RBM20: variants seen among roughly 807,000 people sequenced by gnomAD.
RBM20 encodes RNA-binding protein 20.
Under a neutral mutation model 110.1 loss-of-function variants are expected in RBM20, and 51 were observed. That is an observed-to-expected ratio of 0.46 (90% CI 0.37 to 0.59). RBM20 has a LOEUF of 0.59. Ranked by LOEUF, RBM20 falls within the 20% of genes least tolerant of loss-of-function variation. RBM20 has a pLI of 0.00. For missense variants in RBM20, 1,512 were observed against 1,574.9 expected, an observed-to-expected ratio of 0.96 and a Z score of 0.68; for synonymous variants, 589 against 618.2, an observed-to-expected ratio of 0.95 and a Z score of 0.70.
chr10:110,833,896 T>A (rs1483733634), intron 13 of RBM20, among the ~76,000 whole-genome samples: 1 of 152,160 alleles, frequency 6.6e-6, no homozygotes, highest in Non-Finnish European at 1.5e-5. Flanking sequence ...ACAGAATGCC[T>A]CTGTCCACAC....
chr10:110,726,678 C>T (rs1461434532), intron 1 of RBM20, among the ~76,000 whole-genome samples: 2 of 152,120 alleles, frequency 1.3e-5, no homozygotes, highest in Admixed American at 6.5e-5. Context: ...CTTCTGATGC[C>T]AGTTGCAGGT....
Position 110,716,411 on chromosome 10 carries a change from G to A in RBM20, c.192-64390G>A, listed in dbSNP as rs906691251. Among the ~76,000 whole-genome samples the A allele has an allele frequency of 2.0e-5, 3 of 152,188 alleles. No individual in the cohort carries two copies. In the East Asian group the frequency reaches 5.8e-4, roughly 29 times the overall value. On this transcript the variant is annotated intron_variant, in intron 1 of 13. Coordinates refer to ENST00000369519, the MANE Select transcript of RBM20 (RefSeq NM_001134363.3). Reference sequence around the variant, plus strand: ...CCAGGTCTCAATTATGTAACATCTGGCCTAATTAAACGTGTACTGTTTACC... The same window carrying A: ...CCAGGTCTCAATTATGTAACATCTGACCTAATTAAACGTGTACTGTTTACC...
chr10:110,747,299 G>C (rs377541985), intron 1 of RBM20, among the ~76,000 whole-genome samples: 7 of 150,738 alleles, frequency 4.6e-5, no homozygotes, highest in South Asian at 2.1e-4. Flanking sequence ...CTTTTTTTGG[G>C]GGGGGGGGTC....
intron 1 of RBM20, among the ~76,000 whole-genome samples, chr10:110,661,775 C>T (rs1408164246): frequency 2.6e-5 from 4 of 151,878 alleles, no homozygotes; most frequent in Admixed American, 6.6e-5. Flanking sequence ...TTTGGGAGGC[C>T]GAGGTGGGTG....
chr10:110,829,843 G>T (rs1023825385), intron 12 of RBM20, among the ~76,000 whole-genome samples: 1 of 152,106 alleles, frequency 6.6e-6, no homozygotes, highest in Non-Finnish European at 1.5e-5. Flanking sequence ...CCATTCCCAG[G>T]CCCCTTCCTT....
At chr10:110,788,330 G>C (rs1204216526) in intron 5 of RBM20, among the ~76,000 whole-genome samples, 1 of 152,204 alleles carries the variant, frequency 6.6e-6, no homozygotes, top group African/African-American at 2.4e-5. Flanking sequence ...AGCCACACCT[G>C]GTATCCACAT....
At chr10:110,690,276 T>C (rs1038645046) in intron 1 of RBM20, among the ~76,000 whole-genome samples, 8 of 152,002 alleles carry the variant, frequency 5.3e-5, no homozygotes, top group African/African-American at 1.9e-4. Flanking sequence ...TGTGGTGGTG[T>C]GTGCCTGTAG....
chr10:110,772,792 A>G (rs770726652), intron 1 of RBM20, among the ~76,000 whole-genome samples: 3 of 152,382 alleles, frequency 2.0e-5, no homozygotes, highest in Non-Finnish European at 4.4e-5. Context: ...TTTGTGAGCA[A>G]TGATAATGAT....
chr10:110,754,952 A>C (rs982509989), intron 1 of RBM20, among the ~76,000 whole-genome samples: 3 of 152,114 alleles, frequency 2.0e-5, no homozygotes. Context: ...AGATCCCCTG[A>C]GGCTTAGAAT....
intron 1 of RBM20, among the ~76,000 whole-genome samples, chr10:110,712,304 T>C (rs10509927): frequency 0.19 from 28,181 of 152,162 alleles, 3,105 homozygotes; most frequent in African/African-American, 0.31. Flanking sequence ...TGTGTGGTTG[T>C]GTATAGCAGT....
intron 1 of RBM20, among the ~76,000 whole-genome samples, chr10:110,691,143 G>A (rs191166814): frequency 4.5e-4 from 68 of 152,308 alleles, no homozygotes; most frequent in African/African-American, 1.5e-3. Context: ...TACCATGTGA[G>A]GATAGTAGGA....
At chr10:110,677,156 G>T (rs1862350186) in intron 1 of RBM20, among the ~76,000 whole-genome samples, 1 of 152,078 alleles carries the variant, frequency 6.6e-6, no homozygotes, top group African/African-American at 2.4e-5. Flanking sequence ...CATGGTGGAG[G>T]AGGCTAAGCG....
chr10:110,705,326 TGAA>T (rs1862820042), intron 1 of RBM20, among the ~76,000 whole-genome samples: 2 of 152,244 alleles, frequency 1.3e-5, no homozygotes, highest in Non-Finnish European at 1.5e-5. Context: ...AATGAATGAT[TGAA>T]GAAGAATGGA....
chr10:110,821,649 A>G lies in RBM20; in HGVS notation c.3030A>G (p.Pro1010=). 1 of 1,551,804 alleles carries G rather than the reference A, an allele frequency of 6.4e-7. No homozygotes were observed. Among genetic ancestry groups the G allele is most frequent in the Non-Finnish European group, 8.7e-7 (1 of 1,147,008 alleles). The part of the protein sequence containing the change: ...PGLNLDAERK[P]AESETGLSLE... ...TAAATCTGGATGCTGAGCGGAAGCC[A>G]GCTGAAAGTGAGACAGGCCTCTCCC... Residue 1010 remains proline (P), a synonymous_variant, in exon 11 of 14, where the codon CCA becomes CCG. Transcript: ENST00000369519.
chr10:110,645,593 C>G lies in RBM20; in HGVS notation c.191+948C>G, dbSNP rs368007024. On this transcript the variant is annotated intron_variant, in intron 1 of 13. Coordinates refer to ENST00000369519, the MANE Select transcript of RBM20 (RefSeq NM_001134363.3). Reference sequence around the variant, plus strand: ...ACACAGCAGAGGTTTTCTGCTGCTCCGCTGATGCTTTGAGTCCTGTAAATT... The same window carrying G: ...ACACAGCAGAGGTTTTCTGCTGCTCGGCTGATGCTTTGAGTCCTGTAAATT... Among the ~76,000 whole-genome samples, 36 of 152,334 alleles carry G rather than the reference C, an allele frequency of 2.4e-4. 1 individual carries two copies. The South Asian group carries it at 7.3e-3, about 31-fold the overall frequency.
At chr10:110,810,796 T>C (rs939338420) in intron 8 of RBM20, among the ~76,000 whole-genome samples, 1 of 141,702 alleles carries the variant, frequency 7.1e-6, no homozygotes, top group Non-Finnish European at 1.5e-5. Flanking sequence ...AAGTAATGCG[T>C]GTGTGTGTGT....
rs185573176 is a variant in RBM20 at position 110,698,064 on chromosome 10, C to T, written c.191+53419C>T. ...CTGGGACTACAGGCGCCCACCAACA[C>T]GCCCGGCTAATTTTTTTGTATTTTT... On this transcript the variant is annotated intron_variant, in intron 1 of 13. Coordinates refer to ENST00000369519, the MANE Select transcript of RBM20 (RefSeq NM_001134363.3). Among the ~76,000 whole-genome samples the T allele has an allele frequency of 2.6e-4, 39 of 152,178 alleles. 1 individual carries two copies. In the Middle Eastern group the frequency reaches 0.027, roughly 106 times the overall value.
chr10:110,819,703 G>A (rs546635260), intron 9 of RBM20, among the ~76,000 whole-genome samples: 61 of 152,280 alleles, frequency 4.0e-4, no homozygotes, highest in African/African-American at 1.4e-3. Flanking sequence ...TCACCGTGAT[G>A]GTTAACCCTG....
chr10:110,735,380 C>T (rs1311964298), intron 1 of RBM20, among the ~76,000 whole-genome samples: 1 of 152,194 alleles, frequency 6.6e-6, no homozygotes, highest in African/African-American at 2.4e-5. Flanking sequence ...ATCATGCATA[C>T]TGTCTAGCCA....
Sources: gnomAD v4.1 joint callset for allele counts (sites outside exome capture counted in the v4.1 genomes callset) on GRCh38, gnomAD v4.1.1 for gene constraint, MANE v1.5 for transcripts, NCBI Gene and HGNC (gene_info 2026-07-23, HGNC 2026-07-21) for gene names.